DPYD: variants seen among roughly 807,000 people sequenced by gnomAD.
DPYD encodes dihydropyrimidine dehydrogenase.
A neutral mutation model predicts 116.2 loss-of-function variants in DPYD; 109 were observed. The observed-to-expected ratio is 0.94, with a 90% CI of 0.80 to 1.10. The LOEUF (loss-of-function observed/expected upper bound fraction) is 1.10, where lower values mean the gene tolerates loss of function less well. DPYD is among the 50% of genes least tolerant of loss of function. The probability of loss-of-function intolerance (pLI) is 0.00; values close to 1 mark genes in which losing one functional copy is unlikely to be tolerated. For synonymous variants in DPYD, 440 were observed against 432.0 expected (o/e 1.02, Z -0.23); for missense variants, 1,302 against 1,254.5 (o/e 1.04, Z -0.57).
rs1335537271 is a variant in DPYD at position 97,131,089 on chromosome 1, GA to G, written c.2623-32458del. On this transcript the variant is annotated intron_variant, in intron 20 of 22. Transcript: ENST00000370192. ...TAAAGGCAGCACTTTACACATAGAA[GA>G]TGCTCAAGAATTTCCTGATTGGATT... Among the ~76,000 whole-genome samples, 3 of 151,976 alleles carry G rather than the reference GA, an allele frequency of 2.0e-5. No homozygotes were observed. The East Asian group carries it at 5.8e-4, about 29-fold the overall frequency.
chr1:97,266,567 ATGTGCACAACGG>A (rs979657586), intron 18 of DPYD, among the ~76,000 whole-genome samples: 12 of 152,168 alleles, frequency 7.9e-5, no homozygotes, highest in Non-Finnish European at 1.3e-4. Flanking sequence ...TCTAGGGTAC[ATGTGCACAACGG>A]GCAGGTTTGT....
Position 97,567,438 on chromosome 1 carries a change from C to T in DPYD, c.1339+6322G>A, listed in dbSNP as rs372443373. ...CAGAACTATCTAGGTTTTGTGTTTC[C>T]TTGTTATCTCTAGTTCCCAGTGAGT... On this transcript the variant is annotated intron_variant, in intron 11 of 22. Coordinates refer to ENST00000370192, the MANE Select transcript of DPYD (RefSeq NM_000110.4). Among the ~76,000 whole-genome samples the T allele has an allele frequency of 7.2e-5, 11 of 151,864 alleles. No homozygotes were observed. The East Asian group carries it at 1.2e-3, about 16-fold the overall frequency.
chr1:97,431,192 C>A (rs1303589578), intron 14 of DPYD, among the ~76,000 whole-genome samples: 1 of 152,020 alleles, frequency 6.6e-6, no homozygotes, highest in Non-Finnish European at 1.5e-5. Flanking sequence ...AAACAGACTC[C>A]ATCTGTCTTG....
chr1:97,590,141 G>A (rs2811204), intron 10 of DPYD, among the ~76,000 whole-genome samples: 2,327 of 152,190 alleles, frequency 0.015, 51 homozygotes, highest in African/African-American at 0.053. Context: ...CCAAGCAATG[G>A]CCATAAAGGA....
chr1:97,433,888 T>C (rs1433736507), intron 14 of DPYD, among the ~76,000 whole-genome samples: 2 of 152,186 alleles, frequency 1.3e-5, no homozygotes, highest in Non-Finnish European at 1.5e-5. Flanking sequence ...ATTTCTCATA[T>C]TGATTGCTAC....
chr1:97,523,973 A>G (rs1336775517), intron 12 of DPYD, among the ~76,000 whole-genome samples: 1 of 152,154 alleles, frequency 6.6e-6, no homozygotes, highest in Non-Finnish European at 1.5e-5. Context: ...TAAATTTTAT[A>G]TTATGTATGT....
chr1:97,564,579 A>G (rs1009603359), intron 11 of DPYD, among the ~76,000 whole-genome samples: 3 of 152,116 alleles, frequency 2.0e-5, no homozygotes, highest in Admixed American at 6.5e-5. Context: ...CCCCTGCTTC[A>G]GTTGTTCAAT....
At chr1:97,637,448 T>G (rs1657633121) in intron 8 of DPYD, among the ~76,000 whole-genome samples, 1 of 151,974 alleles carries the variant, frequency 6.6e-6, no homozygotes, top group African/African-American at 2.4e-5. Flanking sequence ...TTTGGCAGTT[T>G]ATTTTATAGA....
intron 4 of DPYD, among the ~76,000 whole-genome samples, chr1:97,733,300 A>T (rs1301179221): frequency 6.6e-6 from 1 of 152,064 alleles, no homozygotes; most frequent in Non-Finnish European, 1.5e-5. Flanking sequence ...TTTTTATTAT[A>T]AAACGTATGT....
chr1:97,167,886 T>C (rs370697251), intron 20 of DPYD, among the ~76,000 whole-genome samples: 4 of 152,276 alleles, frequency 2.6e-5, no homozygotes, highest in African/African-American at 9.6e-5. Flanking sequence ...ATTCACAAGT[T>C]TGTAGCTCTT....
intron 14 of DPYD, among the ~76,000 whole-genome samples, chr1:97,438,472 T>C (rs762360371): frequency 5.3e-5 from 8 of 152,210 alleles, no homozygotes; most frequent in Non-Finnish European, 1.0e-4. Context: ...GATTTGCTGC[T>C]ACTGTAAATG....
intron 3 of DPYD, among the ~76,000 whole-genome samples, chr1:97,747,289 C>T (rs1287923088): frequency 6.6e-6 from 1 of 152,092 alleles, no homozygotes; most frequent in African/African-American, 2.4e-5. Flanking sequence ...TATGTTGGCA[C>T]TAAAATAGCT....
intron 14 of DPYD, among the ~76,000 whole-genome samples, chr1:97,406,889 A>G (rs1416507367): frequency 1.3e-5 from 2 of 152,128 alleles, no homozygotes; most frequent in Non-Finnish European, 2.9e-5. Context: ...ACTATACACA[A>G]ACAAAAAGGT....
intron 13 of DPYD, among the ~76,000 whole-genome samples, chr1:97,477,683 C>T (rs1678058500): frequency 1.4e-5 from 2 of 146,630 alleles, no homozygotes; most frequent in East Asian, 2.0e-4. Flanking sequence ...TGCAGTGGCG[C>T]AATCTCGGCT....
At position 97,549,577 on chromosome 1, in the gene DPYD, T is replaced by C. The variant is rs751104498; in HGVS notation, c.1507A>G (p.Ile503Val). Reference sequence around the variant, plus strand: ...ATGCCTACCTGTACGTATTTGTGAATGTACCAAGAAGCTTGCTTTCCATCA... The same window carrying C: ...ATGCCTACCTGTACGTATTTGTGAACGTACCAAGAAGCTTGCTTTCCATCA... ...VNDGKQASWY[I>V]HKYVQSQYGA... The change falls in exon 12 of 23, where the codon ATT (isoleucine) becomes GTT (valine). Residue 503 changes from isoleucine to valine, a missense_variant. By Grantham distance (29) the Ile-to-Val change is conservative. Transcript: ENST00000370192. The C allele has an allele frequency of 2.2e-5, 35 of 1,613,852 alleles. No homozygotes were observed. In the South Asian group the frequency reaches 3.5e-4, roughly 16 times the overall value.
Position 97,919,696 on chromosome 1 carries a change from T to C in DPYD, c.39+1188A>G, listed in dbSNP as rs558054705. Among the ~76,000 whole-genome samples the C allele has an allele frequency of 1.6e-3, 242 of 152,248 alleles. 1 individual carries two copies. Among genetic ancestry groups the C allele is most frequent in the African/African-American group, 5.7e-3 (235 of 41,538 alleles). ...ATTATCCTGCACACAGATGAACAACTATTTGTTAAATATATCATATTGCTC... is the reference window on the plus strand; with the variant it reads ...ATTATCCTGCACACAGATGAACAACCATTTGTTAAATATATCATATTGCTC... On this transcript the variant is annotated intron_variant, in intron 1 of 22. Coordinates refer to ENST00000370192, the MANE Select transcript of DPYD (RefSeq NM_000110.4).
intron 12 of DPYD, among the ~76,000 whole-genome samples, chr1:97,532,829 T>C (rs1250577113): frequency 6.6e-6 from 1 of 151,988 alleles, no homozygotes; most frequent in Non-Finnish European, 1.5e-5. Context: ...GATTTTGTTC[T>C]ATTGTATTTT....
At chr1:97,725,767 T>C (rs530038997) in intron 4 of DPYD, among the ~76,000 whole-genome samples, 2 of 151,742 alleles carry the variant, frequency 1.3e-5, no homozygotes, top group South Asian at 2.1e-4. Flanking sequence ...AGTTTGACCC[T>C]ATCTCACACC....
chr1:97,776,678 AT>A (rs1350074748), intron 3 of DPYD, among the ~76,000 whole-genome samples: 1 of 152,196 alleles, frequency 6.6e-6, no homozygotes, highest in Non-Finnish European at 1.5e-5. Flanking sequence ...AGAGAAACTG[AT>A]ACTCAGCTTC....
Sources: gnomAD v4.1 joint callset for allele counts (sites outside exome capture counted in the v4.1 genomes callset) on GRCh38, gnomAD v4.1.1 for gene constraint, MANE v1.5 for transcripts, NCBI Gene and HGNC (gene_info 2026-07-23, HGNC 2026-07-21) for gene names.